ERC1: variants seen among roughly 807,000 people sequenced by gnomAD.
ERC1 encodes ELKS/RAB6-interacting/CAST family member 1.
A neutral mutation model predicts 132.0 loss-of-function variants in ERC1; 56 were observed. The observed-to-expected ratio is 0.42, with a 90% CI of 0.34 to 0.53. ERC1 has a LOEUF of 0.53. ERC1 is among the 20% of genes least tolerant of loss of function. The pLI is 0.03. For synonymous variants in ERC1, 478 were observed against 476.1 expected (o/e 1.00, Z -0.05); for missense variants, 1,202 against 1,349.9 (o/e 0.89, Z 1.72).
intron 15 of ERC1, among the ~76,000 whole-genome samples, chr12:1,364,718 C>T (rs530932780): frequency 1.3e-5 from 2 of 152,328 alleles, no homozygotes; most frequent in Admixed American, 1.3e-4. Flanking sequence ...ACTGCCCATA[C>T]AGTATATTTG....
chr12:1,146,741 A>G (rs2154252015), intron 8 of ERC1, among the ~76,000 whole-genome samples: 1 of 151,598 alleles, frequency 6.6e-6, no homozygotes, highest in Non-Finnish European at 1.5e-5. Flanking sequence ...GTCATTTAGC[A>G]TTAGGTATAT....
rs148949541 is a variant in ERC1, at chr12:1,124,570, A to C, written c.1569+8537A>C. On this transcript the variant is annotated intron_variant, in intron 7 of 18. Transcript: ENST00000360905. ...CATATTTATCAGAAAATAAGAAAGA[A>C]AAGCAAGTAATCTAGGTGTTCAAAT... Among the ~76,000 whole-genome samples the C allele has an allele frequency of 4.9e-4, 74 of 152,034 alleles. No homozygotes were observed. In the East Asian group the frequency reaches 0.014, roughly 29 times the overall value.
At chr12:1,428,187 A>G (rs2154402644) in intron 17 of ERC1, among the ~76,000 whole-genome samples, 1 of 152,328 alleles carries the variant, frequency 6.6e-6, no homozygotes, top group Non-Finnish European at 1.5e-5. Flanking sequence ...TTCTTCCTGG[A>G]CAACAAAGTA....
At chr12:1,042,690 T>G (rs1305776532) in intron 2 of ERC1, among the ~76,000 whole-genome samples, 1 of 152,136 alleles carries the variant, frequency 6.6e-6, no homozygotes, top group East Asian at 1.9e-4. Context: ...ATTTATGTGA[T>G]AAACCTACAG....
intron 14 of ERC1, among the ~76,000 whole-genome samples, chr12:1,276,349 T>C (rs547536800): frequency 6.6e-6 from 1 of 151,980 alleles, no homozygotes; most frequent in South Asian, 2.1e-4. Flanking sequence ...CAATTATCCC[T>C]GCCTCAGCCT....
At chr12:1,093,984 T>TATATATATATATATATATATAGAA (rs1555236191) in intron 3 of ERC1, among the ~76,000 whole-genome samples, 1 of 131,360 alleles carries the variant, frequency 7.6e-6, no homozygotes, top group Non-Finnish European at 1.6e-5. Flanking sequence ...TATATATATA[T>TATATATATATATATATATATAGAA]AGAAAAACAT....
chr12:1,444,703 G>T lies in ERC1; in HGVS notation c.3166G>T (p.Asp1056Tyr). The part of the protein sequence containing the change: ...TPPASYNLDD[D>Y]QAAWENELQK... ...ACCAGCTTCCTATAACTTGGACGAT[G>T]ACCAGGCGGCTTGGGAGAATGAGCT... Residue 1056 changes from aspartate (D) to tyrosine (Y), a missense_variant, in exon 18 of 19, where the codon GAC becomes TAC. Coordinates refer to ENST00000360905, the MANE Select transcript of ERC1 (RefSeq NM_178040.4). 6.2e-7 allele frequency: 1 copy of T among 1,614,138 alleles called. No homozygotes were observed. Among genetic ancestry groups the T allele is most frequent in the South Asian group, 1.1e-5 (1 of 91,066 alleles).
At chr12:1,067,905 T>C (rs1939519714) in intron 2 of ERC1, among the ~76,000 whole-genome samples, 1 of 150,612 alleles carries the variant, frequency 6.6e-6, no homozygotes, top group Admixed American at 6.7e-5. Context: ...CCAATTTTAC[T>C]GTATTTCATT....
chr12:1,189,947 A>T lies in ERC1; in HGVS notation c.2246A>T (p.Asp749Val). 2 of 1,614,136 alleles carry T rather than the reference A, an allele frequency of 1.2e-6. No homozygotes were observed. The highest frequency in any genetic ancestry group is 1.1e-5 in the South Asian group (1 of 91,078). Reference sequence around the variant, plus strand: ...GAGAGAGAGATCACCAGGTACAAAGATGAATCTAGCAAGGCCCAGGCAGAA... The same window carrying T: ...GAGAGAGAGATCACCAGGTACAAAGTTGAATCTAGCAAGGCCCAGGCAGAA... The part of the protein sequence containing the change: ...HLEREITRYK[D>V]ESSKAQAEVD... The change falls in exon 12 of 19, where the codon GAT becomes GTT. Residue 749 changes from aspartate to valine, a missense_variant. Transcript: ENST00000360905.
Position 1,315,595 on chromosome 12 carries a change from C to T in ERC1, c.2780+25583C>T, listed in dbSNP as rs150177865. ...CGAACTCCTGACCTCAGGGGATCCG[C>T]ACTTTTGGAGGCCGAGGTGGGCGGA... On this transcript the variant is annotated intron_variant, in intron 15 of 18. Transcript: ENST00000360905. 4.6e-3 allele frequency among the ~76,000 whole-genome samples: 694 copies of T among 152,270 alleles called. 2 individuals are homozygous for T. Among genetic ancestry groups the T allele is most frequent in the African/African-American group, 0.014 (574 of 41,538 alleles).
chr12:1,421,601 A>G (rs1338786297), intron 17 of ERC1, among the ~76,000 whole-genome samples: 2 of 152,226 alleles, frequency 1.3e-5, no homozygotes, highest in Admixed American at 6.5e-5. Flanking sequence ...TCTGAAAAAT[A>G]TCTTAAAGAC....
intron 8 of ERC1, among the ~76,000 whole-genome samples, chr12:1,162,022 G>A (rs921439522): frequency 3.3e-5 from 5 of 152,158 alleles, no homozygotes; most frequent in Admixed American, 6.5e-5. Context: ...TGGGTTATAA[G>A]TTAGTCACAT....
At chr12:993,500 A>C (rs1318983571) in intron 1 of ERC1, among the ~76,000 whole-genome samples, 6 of 152,346 alleles carry the variant, frequency 3.9e-5, no homozygotes, top group Non-Finnish European at 5.9e-5. Flanking sequence ...GCTAGTCATT[A>C]CTTGTGATAT....
intron 12 of ERC1, among the ~76,000 whole-genome samples, chr12:1,209,003 C>G (rs1045970888): frequency 1.5e-5 from 2 of 132,840 alleles, no homozygotes; most frequent in East Asian, 4.3e-4. Context: ...GAGTCTTGCC[C>G]TGTCTCCCAG....
At chr12:1,361,688 C>T (rs1347130822) in intron 15 of ERC1, among the ~76,000 whole-genome samples, 1 of 152,102 alleles carries the variant, frequency 6.6e-6, no homozygotes, top group African/African-American at 2.4e-5. Context: ...AAAGTGCCTC[C>T]AGGAAAGCAA....
intron 18 of ERC1, among the ~76,000 whole-genome samples, chr12:1,458,339 G>T (rs2093580986): frequency 6.6e-6 from 1 of 152,176 alleles, no homozygotes; most frequent in Non-Finnish European, 1.5e-5. Context: ...AGGATAGTGT[G>T]TTTGTTATTA....
At chr12:1,218,853 CACAT>C (rs1365717771) in intron 12 of ERC1, among the ~76,000 whole-genome samples, 22 of 146,854 alleles carry the variant, frequency 1.5e-4, no homozygotes, top group African/African-American at 4.4e-4. Context: ...CACACACACA[CACAT>C]ATATATATAT....
chr12:1,012,837 A>C (rs183080500), intron 1 of ERC1, among the ~76,000 whole-genome samples: 59 of 152,174 alleles, frequency 3.9e-4, no homozygotes, highest in African/African-American at 1.3e-3. Flanking sequence ...ATTTTTAGAG[A>C]GATGACATGC....
intron 1 of ERC1, among the ~76,000 whole-genome samples, chr12:1,011,521 A>G (rs1009522905): frequency 4.6e-5 from 7 of 152,170 alleles, no homozygotes; most frequent in Admixed American, 4.6e-4. Context: ...TTTCCTTTTT[A>G]AATAAGTAGT....
Sources: gnomAD v4.1 joint callset for allele counts (sites outside exome capture counted in the v4.1 genomes callset) on GRCh38, gnomAD v4.1.1 for gene constraint, MANE v1.5 for transcripts, NCBI Gene and HGNC (gene_info 2026-07-23, HGNC 2026-07-21) for gene names.